The following TRPC6 variants were observed in gnomAD, a reference collection of about 807,000 sequenced individuals.
The protein encoded by TRPC6 is short transient receptor potential channel 6.
Under a neutral mutation model 90.7 loss-of-function variants are expected in TRPC6, and 55 were observed. The ratio of observed to expected loss-of-function variants is 0.61; its 90% CI spans 0.49 to 0.76. The LOEUF is 0.76. Ranked by LOEUF, TRPC6 falls within the 30% of genes least tolerant of loss-of-function variation. The probability of loss-of-function intolerance (pLI) is 0.00; values close to 1 mark genes in which losing one functional copy is unlikely to be tolerated. For synonymous variants in TRPC6, 393 were observed against 393.0 expected (o/e 1.00, Z 0.00); for missense variants, 989 against 1,122.7 (o/e 0.88, Z 1.70).
intron 1 of TRPC6, among the ~76,000 whole-genome samples, chr11:101,560,741 T>C (rs1238984428): frequency 6.6e-6 from 1 of 152,098 alleles, no homozygotes; most frequent in Non-Finnish European, 1.5e-5. Context: ...GGAAGGATTC[T>C]CTGAAGGGCT....
In TRPC6 at chr11:101,452,136, G is replaced by T. The variant is rs201778272; in HGVS notation, c.*819C>A. 6.6e-6 allele frequency: 1 copy of T among 152,108 alleles called. No individual in the cohort carries two copies. Among genetic ancestry groups the T allele is most frequent in the African/African-American group, 2.4e-5 (1 of 41,406 alleles). The allele number at this position is 152,108 out of a possible 1,614,324, so 9.4% of individuals were successfully genotyped here. On this transcript the variant is annotated 3_prime_UTR_variant, in exon 13 of 13. Transcript: ENST00000344327. ...CAAACAACCACAGTGTTTGTTTGGG[G>T]TTTTGATTTTTCTCCAATAAAAGGT...
intron 1 of TRPC6, among the ~76,000 whole-genome samples, chr11:101,561,716 C>T (rs1019527706): frequency 6.6e-6 from 1 of 151,640 alleles, no homozygotes; most frequent in African/African-American, 2.4e-5. Context: ...AACTTAAACA[C>T]CCTAAAATTC....
chr11:101,505,632 A>G (rs551156753), intron 1 of TRPC6, among the ~76,000 whole-genome samples: 1 of 152,150 alleles, frequency 6.6e-6, no homozygotes, highest in African/African-American at 2.4e-5. Flanking sequence ...ATTATAATCA[A>G]GTTGTCAGGT....
intron 2 of TRPC6, among the ~76,000 whole-genome samples, chr11:101,494,906 C>A (rs1219376975): frequency 6.6e-6 from 1 of 152,170 alleles, no homozygotes; most frequent in African/African-American, 2.4e-5. Flanking sequence ...AAATCATTTA[C>A]AAATATTTTC....
At chr11:101,461,013 A>G (rs1858992830) in intron 10 of TRPC6, among the ~76,000 whole-genome samples, 1 of 152,192 alleles carries the variant, frequency 6.6e-6, no homozygotes. Flanking sequence ...AAGCATTTCA[A>G]TATTTAAAAT....
At chr11:101,458,993 C>T (rs1858944736) in intron 10 of TRPC6, among the ~76,000 whole-genome samples, 1 of 152,114 alleles carries the variant, frequency 6.6e-6, no homozygotes, top group African/African-American at 2.4e-5. Context: ...AGGGCCAAAC[C>T]ATCTCATTAG....
intron 2 of TRPC6, among the ~76,000 whole-genome samples, chr11:101,497,997 G>C (rs1859993448): frequency 6.6e-6 from 1 of 152,196 alleles, no homozygotes; most frequent in African/African-American, 2.4e-5. Context: ...AGAGACATAA[G>C]TCCTGGGCAC....
chr11:101,567,368 T>A (rs1364707573), intron 1 of TRPC6, among the ~76,000 whole-genome samples: 2 of 148,364 alleles, frequency 1.3e-5, no homozygotes, highest in African/African-American at 4.9e-5. Flanking sequence ...GCAGCAGCCC[T>A]AGTCAGGAAC....
chr11:101,532,759 G>C (rs1039012929), intron 1 of TRPC6, among the ~76,000 whole-genome samples: 8 of 152,192 alleles, frequency 5.3e-5, no homozygotes, highest in Non-Finnish European at 1.0e-4. Context: ...CATGACAGAG[G>C]AGTGTGGGAG....
intron 10 of TRPC6, among the ~76,000 whole-genome samples, chr11:101,459,148 G>C (rs1276394025): frequency 1.3e-5 from 2 of 152,186 alleles, no homozygotes; most frequent in African/African-American, 2.4e-5. Flanking sequence ...GGGGAAAAGA[G>C]ATACTTGTGT....
chr11:101,563,209 G>C (rs996362331), intron 1 of TRPC6, among the ~76,000 whole-genome samples: 7 of 152,164 alleles, frequency 4.6e-5, no homozygotes, highest in Non-Finnish European at 7.3e-5. Context: ...ACTTCAAAAA[G>C]TTCTACCACA....
intron 1 of TRPC6, among the ~76,000 whole-genome samples, chr11:101,564,299 T>C (rs570915401): frequency 8.7e-4 from 132 of 152,328 alleles, no homozygotes; most frequent in African/African-American, 3.1e-3. Flanking sequence ...ATGAGTATGA[T>C]TGATTTTATA....
At chr11:101,501,242 G>T (rs1591091529) in intron 2 of TRPC6, among the ~76,000 whole-genome samples, 1 of 148,642 alleles carries the variant, frequency 6.7e-6, no homozygotes, top group Non-Finnish European at 1.5e-5. Context: ...GAGACTCTAA[G>T]GGAGTTGACT....
At chr11:101,546,594 T>A (rs1449110989) in intron 1 of TRPC6, among the ~76,000 whole-genome samples, 1 of 152,192 alleles carries the variant, frequency 6.6e-6, no homozygotes, top group East Asian at 1.9e-4. Context: ...GAGCTTTGGC[T>A]TTTTCATGTA....
chr11:101,454,117 C>G (rs1591518643), intron 11 of TRPC6, among the ~76,000 whole-genome samples: 1 of 152,246 alleles, frequency 6.6e-6, no homozygotes, highest in Middle Eastern at 3.4e-3. Flanking sequence ...AGCCCCACGT[C>G]TGACCCACCA....
intron 1 of TRPC6, among the ~76,000 whole-genome samples, chr11:101,518,343 C>G (rs901475950): frequency 1.3e-5 from 2 of 151,856 alleles, no homozygotes; most frequent in African/African-American, 2.4e-5. Flanking sequence ...AACAACCATA[C>G]AGGAAAAAAA....
chr11:101,561,630 T>G (rs1464978091), intron 1 of TRPC6, among the ~76,000 whole-genome samples: 4 of 151,974 alleles, frequency 2.6e-5, no homozygotes, highest in African/African-American at 4.8e-5. Context: ...GGCTGGGACT[T>G]TCAAAAGCCT....
intron 5 of TRPC6, among the ~76,000 whole-genome samples, chr11:101,477,009 C>T (rs1037973206): frequency 2.0e-5 from 3 of 152,082 alleles, no homozygotes; most frequent in Non-Finnish European, 4.4e-5. Context: ...ACAGGCCTCA[C>T]CTACTGCCTT....
At chr11:101,539,850 A>G (rs1240402129) in intron 1 of TRPC6, among the ~76,000 whole-genome samples, 1 of 152,134 alleles carries the variant, frequency 6.6e-6, no homozygotes, top group African/African-American at 2.4e-5. Flanking sequence ...TGTTTTATGA[A>G]TTTGGGAGTG....
Sources: allele counts gnomAD v4.1 joint callset (sites outside exome capture counted in the v4.1 genomes callset), GRCh38; gene constraint gnomAD v4.1.1; transcripts MANE v1.5; gene names NCBI Gene and HGNC (gene_info 2026-07-23, HGNC 2026-07-21).